The following ARHGAP39 variants were observed in gnomAD, a reference collection of about 807,000 sequenced individuals.
The protein encoded by ARHGAP39 is rho GTPase-activating protein 39.
ARHGAP39 carries 44 observed loss-of-function variants against 106.9 expected under a neutral mutation model. The ratio of observed to expected loss-of-function variants is 0.41; its 90% CI spans 0.32 to 0.53. The LOEUF is 0.53. Among genes scored for constraint, ARHGAP39 ranks in the 20% least tolerant of loss-of-function variants. The pLI is 0.21. For synonymous variants in ARHGAP39, 768 were observed against 693.2 expected (o/e 1.11, Z -1.69); for missense variants, 1,496 against 1,577.3 (o/e 0.95, Z 0.87).
At chr8:144,691,570 C>A in the ARHGAP39 span, among the ~76,000 whole-genome samples, 1 of 152,220 alleles carries the variant, frequency 6.6e-6, no homozygotes, top group East Asian at 1.9e-4. Flanking sequence ...AGGTCCCTCC[C>A]CCAGTTCCTC....
intron 2 of ARHGAP39, among the ~76,000 whole-genome samples, chr8:144,589,377 A>T (rs1586585130): frequency 6.6e-6 from 1 of 152,266 alleles, no homozygotes; most frequent in Non-Finnish European, 1.5e-5. Context: ...TGGGGCAGGG[A>T]GTCATGGCCC....
chr8:144,686,123 C>G (rs563007105), upstream of ARHGAP39, among the ~76,000 whole-genome samples: 277 of 152,106 alleles, frequency 1.8e-3, 2 homozygotes, highest in African/African-American at 6.3e-3. Flanking sequence ...GAGCAGTTAC[C>G]ATCTGACACG....
chr8:144,547,214 C>G lies in ARHGAP39; in HGVS notation c.1872G>C (p.Lys624Asn), dbSNP rs770530757. ...NRHWRRGTFE[K>N]LGFPQILLEK... ...CCAGCAGGATCTGGGGGAAGCCTAG[C>G]TTCTCGAAGGTGCCCCTCCTCCAGT... The change falls in exon 5 of 12, where the codon AAG becomes AAC. Residue 624 changes from lysine to asparagine, a missense_variant. Around this residue, in one of 4 missense-constraint regions of ARHGAP39, gnomAD observed 905 missense variants for 816.4 expected, o/e 1.11. Transcript: ENST00000377307. This position sits in a 1 kb window ranked among gnomAD's most constrained non-coding sequence, Gnocchi z 5.2. 6.8e-6 allele frequency: 11 copies of G among 1,612,540 alleles called. No homozygotes were observed. The East Asian group carries it at 2.2e-4, about 33-fold the overall frequency.
chr8:144,685,164 G>A (rs1263831688), intron 1 of ARHGAP39, among the ~76,000 whole-genome samples: 1 of 150,004 alleles, frequency 6.7e-6, no homozygotes, highest in East Asian at 2.0e-4. Context: ...CCTCCCTCGG[G>A]CAGGAGCACA....
At chr8:144,636,487 C>T (rs1821175616) in intron 1 of ARHGAP39, among the ~76,000 whole-genome samples, 2 of 152,174 alleles carry the variant, frequency 1.3e-5, no homozygotes, top group Non-Finnish European at 2.9e-5. Context: ...ACACACCAGG[C>T]CAAGCTCCCG....
At chr8:144,560,708 G>C (rs1818111036) in intron 3 of ARHGAP39, among the ~76,000 whole-genome samples, 1 of 152,178 alleles carries the variant, frequency 6.6e-6, no homozygotes, top group African/African-American at 2.4e-5. Flanking sequence ...GGGTTACTCT[G>C]TTACTGAGTT....
chr8:144,698,709 G>C, the ARHGAP39 span: 2 of 362,074 alleles, frequency 5.5e-6, no homozygotes, highest in East Asian at 9.5e-5. Flanking sequence ...GGCTTTTCCT[G>C]GCCTGCCTGG....
chr8:144,570,145 G>C (rs200366108), intron 3 of ARHGAP39, among the ~76,000 whole-genome samples: 1 of 152,124 alleles, frequency 6.6e-6, no homozygotes. Context: ...TACTTCACCC[G>C]GGGAGGCAGA....
At chr8:144,617,644 T>G (rs1019740914) in intron 1 of ARHGAP39, among the ~76,000 whole-genome samples, 6 of 151,946 alleles carry the variant, frequency 3.9e-5, no homozygotes, top group Non-Finnish European at 1.5e-5. Flanking sequence ...CGCTCTAGTC[T>G]GGTTTTGTGA....
chr8:144,607,423 C>T (rs1014040214), intron 1 of ARHGAP39, among the ~76,000 whole-genome samples: 11 of 152,214 alleles, frequency 7.2e-5, no homozygotes, highest in African/African-American at 2.4e-4. Context: ...GGTGCCACTT[C>T]GCCTGTAGCA....
rs981995219 is a variant in ARHGAP39, at chr8:144,605,029, C to G, written c.80+506G>C. On this transcript the variant is annotated intron_variant, in intron 2 of 11. Transcript: ENST00000377307. ...GTGATCCTGGCACTTTGGGAGGCCT[C>G]GGCCTCCCAAAAGGATCGCTTGAGC... Among the ~76,000 whole-genome samples the G allele has an allele frequency of 3.3e-5, 5 of 152,234 alleles. No individual in the cohort carries two copies. The East Asian group carries it at 9.7e-4, about 29-fold the overall frequency.
intron 2 of ARHGAP39, among the ~76,000 whole-genome samples, chr8:144,590,084 T>G (rs1819334120): frequency 6.6e-6 from 1 of 152,166 alleles, no homozygotes. Flanking sequence ...GCCAGCTTGG[T>G]GGGCTCACCA....
chr8:144,595,415 T>C (rs1461041005), intron 2 of ARHGAP39, among the ~76,000 whole-genome samples: 2 of 151,874 alleles, frequency 1.3e-5, no homozygotes. Flanking sequence ...TGCCCGAGGC[T>C]GGGGAGAGGC....
chr8:144,609,397 CTTTTT>C (rs779442641), intron 1 of ARHGAP39, among the ~76,000 whole-genome samples: 4 of 121,332 alleles, frequency 3.3e-5, no homozygotes, highest in Non-Finnish European at 5.1e-5. Context: ...ATGTATTGTC[CTTTTT>C]TTTTTTTTTT....
At chr8:144,661,201 G>A (rs1269137960) in intron 1 of ARHGAP39, among the ~76,000 whole-genome samples, 2 of 152,098 alleles carry the variant, frequency 1.3e-5, no homozygotes, top group Non-Finnish European at 2.9e-5. Flanking sequence ...CACACAGGCA[G>A]TGTGGAGCAG....
chr8:144,656,807 CAAAAAAAA>C (rs35058065), intron 1 of ARHGAP39, among the ~76,000 whole-genome samples: 46 of 42,346 alleles, frequency 1.1e-3, no homozygotes, highest in African/African-American at 2.7e-3. Context: ...GACTCCATCT[CAAAAAAAA>C]AAAAAAAAAA....
chr8:144,646,307 G>A lies in ARHGAP39; in HGVS notation c.-82+39379C>T, dbSNP rs533850882. Among the ~76,000 whole-genome samples the A allele has an allele frequency of 7.9e-5, 12 of 152,332 alleles. No homozygotes were observed. In the South Asian group the frequency reaches 2.5e-3, roughly 32 times the overall value. On this transcript the variant is annotated intron_variant, in intron 1 of 11. Coordinates refer to ENST00000377307, the MANE Select transcript of ARHGAP39 (RefSeq NM_025251.3). The surrounding 1 kb of genome is among the most constrained non-coding windows in gnomAD (Gnocchi z 5.7). Reference sequence around the variant, plus strand: ...GAGTGAGAACAAGGGCGCCTGTGTTGTTTCATCGGCAATAAAAGTGGTACT... The same window carrying A: ...GAGTGAGAACAAGGGCGCCTGTGTTATTTCATCGGCAATAAAAGTGGTACT...
At chr8:144,661,430 T>C (rs1821819239) in intron 1 of ARHGAP39, among the ~76,000 whole-genome samples, 1 of 152,028 alleles carries the variant, frequency 6.6e-6, no homozygotes, top group Non-Finnish European at 1.5e-5. Flanking sequence ...TAGTCTCAAC[T>C]CTCTTGGGCC....
intron 4 of ARHGAP39, among the ~76,000 whole-genome samples, chr8:144,553,378 C>G (rs1334435595): frequency 6.6e-6 from 1 of 152,224 alleles, no homozygotes; most frequent in African/African-American, 2.4e-5. Flanking sequence ...AAGTGCAACT[C>G]TGGCGAGCGT....
Sources: gnomAD v4.1 joint callset for allele counts (sites outside exome capture counted in the v4.1 genomes callset) on GRCh38, gnomAD v4.1.1 for gene constraint, gnomAD v4.1.1 regional missense constraint, Gnocchi (gnomAD v3.1) non-coding constraint, MANE v1.5 for transcripts, NCBI Gene and HGNC (gene_info 2026-07-23, HGNC 2026-07-21) for gene names.